The following ERCC8 variants were observed in gnomAD, a reference collection of about 807,000 sequenced individuals.
ERCC8 encodes DNA excision repair protein ERCC-8.
A neutral mutation model predicts 54.9 loss-of-function variants in ERCC8; 52 were observed. The observed-to-expected ratio is 0.95, with a 90% confidence interval of 0.76 to 1.19. The LOEUF is 1.19. Ranked by LOEUF, ERCC8 falls within the 50% of genes most tolerant of loss-of-function variation. The pLI, the probability that ERCC8 is intolerant of heterozygous loss-of-function variation, is 0.00. For synonymous variants in ERCC8, 146 were observed against 157.2 expected (o/e 0.93, Z 0.53); for missense variants, 514 against 466.1 (o/e 1.10, Z -0.95).
At chr5:60,892,513 C>T (rs1421775242) in intron 9 of ERCC8, 4 of 600,418 alleles carry the variant, frequency 6.7e-6, no homozygotes, top group Non-Finnish European at 1.3e-5. Context: ...TCAGCTAGGA[C>T]AGTTTTGGCT....
At chr5:60,904,711 A>T in intron 5 of ERCC8, 81 bp downstream of exon 5, 1 of 539,750 alleles carries the variant, frequency 1.9e-6, no homozygotes, top group Middle Eastern at 3.7e-4. Flanking sequence ...CTGGGTTAAA[A>T]TGTCTACATC....
intron 5 of ERCC8, among the ~76,000 whole-genome samples, chr5:60,904,133 T>C (rs1748984697): frequency 6.6e-6 from 1 of 152,116 alleles, no homozygotes; most frequent in African/African-American, 2.4e-5. Flanking sequence ...CAAATCATTG[T>C]ATTTTAATAG....
chr5:60,898,513 G>A, intron 8 of ERCC8, 113 bp from the exon 9 acceptor site: 2 of 1,185,888 alleles, frequency 1.7e-6, no homozygotes, highest in Non-Finnish European at 2.4e-6. Flanking sequence ...CTTAAAAAAT[G>A]TAAGTAGATT....
At chr5:60,904,674 A>ATC in intron 5 of ERCC8, 118 bp downstream of exon 5, 1 of 178,582 alleles carries the variant, frequency 5.6e-6, no homozygotes, top group Non-Finnish European at 1.1e-5. Context: ...ATATATATAT[A>ATC]TATATATATA....
At chr5:60,934,248 C>T (rs750277505) in intron 1 of ERCC8, among the ~76,000 whole-genome samples, 5 of 152,100 alleles carry the variant, frequency 3.3e-5, no homozygotes, top group Non-Finnish European at 7.4e-5. Flanking sequence ...CCAACATCTA[C>T]TATATTTTGA....
At chr5:60,893,749 C>A in intron 9 of ERCC8, 1 of 377,782 alleles carries the variant, frequency 2.6e-6, no homozygotes, top group Non-Finnish European at 4.8e-6. Flanking sequence ...GCAGTCTCCA[C>A]GAGGGGGCGG....
intron 4 of ERCC8, among the ~76,000 whole-genome samples, chr5:60,909,412 T>C (rs1336206692): frequency 1.3e-5 from 2 of 152,038 alleles, no homozygotes; most frequent in South Asian, 2.1e-4. Flanking sequence ...AAAATTACGA[T>C]GTATTTCCAT....
chr5:60,907,383 C>T (rs1482135938), intron 4 of ERCC8: 5 of 129,296 alleles, frequency 3.9e-5, no homozygotes, highest in African/African-American at 9.1e-5. Flanking sequence ...GAGATGGAGT[C>T]GCTCTGTTGC....
intron 2 of ERCC8, among the ~76,000 whole-genome samples, chr5:60,926,491 G>T (rs572360175): frequency 6.6e-6 from 1 of 152,232 alleles, no homozygotes. Context: ...AAACAATAGG[G>T]TTAATTTAAA....
In ERCC8 at chr5:60,878,386, C is replaced by A. The variant is rs559102952; in HGVS notation, c.1123-3703G>T. On this transcript the variant is annotated intron_variant, in intron 11 of 11. Coordinates refer to ENST00000676185, the MANE Select transcript of ERCC8 (RefSeq NM_000082.4). The stretch of plus-strand genomic sequence containing the variant: ...GGTATCAGGATGATGCTGACCTCAT[C>A]AAATGAGTTAGGGAGGATTCCCTCT... Among the ~76,000 whole-genome samples the A allele has an allele frequency of 2.1e-3, 326 of 152,194 alleles. 2 individuals are homozygous for A. Among genetic ancestry groups the A allele is most frequent in the Non-Finnish European group, 3.3e-3 (225 of 68,006 alleles).
rs141137570 is a variant in ERCC8, at chr5:60,898,338, G to C, written c.781C>G (p.Leu261Val). Residue 261 changes from leucine to valine, a missense_variant, in exon 9 of 12, where the codon CTC (leucine) becomes GTC (valine). Transcript: ENST00000676185. ...ATTCGATTATCTGTACCAACAGTGA[G>C]GAGGTGAAGTCCATCACTTGTAAAA... Reference protein sequence around the residue: ...LCFTSDGLHLLTVGTDNRMRL... With the variant: ...LCFTSDGLHLVTVGTDNRMRL... 6.2e-6 allele frequency: 10 copies of C among 1,613,154 alleles called. No homozygotes were observed. In the African/African-American group the frequency reaches 8.0e-5, roughly 13 times the overall value.
At chr5:60,907,640 A>T (rs553444455) in intron 4 of ERCC8, 11 of 152,296 alleles carry the variant, frequency 7.2e-5, no homozygotes, top group African/African-American at 2.6e-4. Flanking sequence ...CACTGTCAGA[A>T]ATCTCACCCT....
chr5:60,938,034 TACATACATACATAC>T (rs1750122253), intron 1 of ERCC8, among the ~76,000 whole-genome samples: 1 of 18,260 alleles, frequency 5.5e-5, no homozygotes, highest in Admixed American at 8.2e-4. Context: ...TATACATACA[TACATACATACATAC>T]ATATATATAT....
chr5:60,908,994 T>C (rs1749164655), intron 4 of ERCC8, among the ~76,000 whole-genome samples: 1 of 152,070 alleles, frequency 6.6e-6, no homozygotes, highest in Admixed American at 6.6e-5. Context: ...AAAGTCAGTA[T>C]AGTCATTATA....
intron 1 of ERCC8, among the ~76,000 whole-genome samples, chr5:60,940,014 TTTTC>T (rs1322480990): frequency 6.6e-6 from 1 of 152,202 alleles, no homozygotes; most frequent in African/African-American, 2.4e-5. Context: ...TTGCAATTCT[TTTTC>T]TTTATTACTA....
chr5:60,941,981 G>A (rs1305794565), intron 1 of ERCC8, among the ~76,000 whole-genome samples: 7 of 152,212 alleles, frequency 4.6e-5, no homozygotes, highest in Non-Finnish European at 1.5e-5. Context: ...TATGGTGCAG[G>A]GGAAAGGGTG....
chr5:60,902,580 G>A (rs1748934373), intron 6 of ERCC8, 72 bp from the exon 7 acceptor site: 3 of 1,311,442 alleles, frequency 2.3e-6, no homozygotes, highest in Non-Finnish European at 3.3e-6. Context: ...CAATAATTTT[G>A]CCTGATTCTG....
chr5:60,895,011 A>G (rs1748682922), intron 9 of ERCC8, among the ~76,000 whole-genome samples: 1 of 152,124 alleles, frequency 6.6e-6, no homozygotes, highest in East Asian at 1.9e-4. Context: ...TCTGCAAAAA[A>G]CACAAAAATA....
chr5:60,881,703 T>C (rs932687283), intron 11 of ERCC8, among the ~76,000 whole-genome samples: 2 of 152,128 alleles, frequency 1.3e-5, no homozygotes, highest in Non-Finnish European at 1.5e-5. Context: ...GCTAAGACCA[T>C]TGGAAAAGTG....
Sources: allele counts gnomAD v4.1 joint callset (sites outside exome capture counted in the v4.1 genomes callset), GRCh38; gene constraint gnomAD v4.1.1; transcripts MANE v1.5; gene names NCBI Gene and HGNC (gene_info 2026-07-23, HGNC 2026-07-21).